MIR2052HG: variants seen among roughly 807,000 people sequenced by gnomAD.
The protein encoded by MIR2052HG is MIR2052 host gene.
At chr8:74,708,346 A>G (rs1809431688) in intron 4 of MIR2052HG, among the ~76,000 whole-genome samples, 1 of 152,278 alleles carries the variant, frequency 6.6e-6, no homozygotes, top group South Asian at 2.1e-4. Context: ...ATAGCGGGGC[A>G]TTCCAGTCCA....
At chr8:74,642,307 G>C (rs1031629976) in intron 2 of MIR2052HG, among the ~76,000 whole-genome samples, 1 of 152,036 alleles carries the variant, frequency 6.6e-6, no homozygotes, top group African/African-American at 2.4e-5. Flanking sequence ...TTTAAGTTCT[G>C]AAGAACTTTA....
intron 2 of MIR2052HG, among the ~76,000 whole-genome samples, chr8:74,699,543 AAAC>A (rs1809336978): frequency 6.6e-6 from 1 of 152,050 alleles, no homozygotes; most frequent in Non-Finnish European, 1.5e-5. Context: ...TCAGGAATAA[AAAC>A]AACATCGTAT....
At chr8:74,617,668 T>C (rs977874703) in intron 2 of MIR2052HG, among the ~76,000 whole-genome samples, 1 of 152,186 alleles carries the variant, frequency 6.6e-6, no homozygotes, top group African/African-American at 2.4e-5. Context: ...GTGATAAGCA[T>C]ACAAGTGCAG....
intron 2 of MIR2052HG, among the ~76,000 whole-genome samples, chr8:74,651,923 C>T (rs1051111299): frequency 6.6e-6 from 1 of 152,128 alleles, no homozygotes; most frequent in Non-Finnish European, 1.5e-5. Flanking sequence ...GGTAGCAAGC[C>T]TATCTAGGCT....
intron 2 of MIR2052HG, among the ~76,000 whole-genome samples, chr8:74,676,656 T>C (rs989562776): frequency 1.3e-5 from 2 of 149,916 alleles, no homozygotes; most frequent in Admixed American, 1.3e-4. Context: ...AAAAACAGAG[T>C]TTATTAGATA....
chr8:74,745,020 T>G (rs943043978), intron 4 of MIR2052HG, among the ~76,000 whole-genome samples: 1 of 152,102 alleles, frequency 6.6e-6, no homozygotes, highest in African/African-American at 2.4e-5. Flanking sequence ...ATCTCAGCAC[T>G]GTGAGAGTCT....
chr8:74,685,320 A>G (rs1586913521), intron 2 of MIR2052HG, among the ~76,000 whole-genome samples: 1 of 152,256 alleles, frequency 6.6e-6, no homozygotes, highest in East Asian at 1.9e-4. Context: ...TCCAAAAAGA[A>G]TATTATTTAT....
intron 4 of MIR2052HG, among the ~76,000 whole-genome samples, chr8:74,741,933 CA>C (rs1169066509): frequency 1.3e-5 from 2 of 152,186 alleles, no homozygotes; most frequent in African/African-American, 4.8e-5. Flanking sequence ...TGTTCAGCCT[CA>C]GCCAGGAATG....
Position 74,693,485 on chromosome 8 carries a change from TG to T in MIR2052HG, n.217-8891del, listed in dbSNP as rs1466146446. On this transcript the variant is annotated intron_variant and non_coding_transcript_variant, in intron 2 of 6. Coordinates refer to ENST00000523442, the Ensembl canonical transcript of MIR2052HG. Reference sequence around the variant, plus strand: ...TGAGCACAGAAGCCACAGCAGGTGGTGGGCAGGATTCCTGAAAGCCCTGCTT... The same window carrying T: ...TGAGCACAGAAGCCACAGCAGGTGGTGGCAGGATTCCTGAAAGCCCTGCTT... Among the ~76,000 whole-genome samples, 5 of 151,112 alleles carry T rather than the reference TG, an allele frequency of 3.3e-5. No homozygotes were observed. The East Asian group carries it at 7.8e-4, about 24-fold the overall frequency.
Position 74,698,002 on chromosome 8 carries a change from AT to A in MIR2052HG, n.217-4376del, listed in dbSNP as rs573816337. On this transcript the variant is annotated intron_variant and non_coding_transcript_variant, in intron 2 of 6. Coordinates refer to ENST00000523442, the Ensembl canonical transcript of MIR2052HG. ...ATCATTCTTCACAGAACTAGAAAAA[AT>A]AATCCTAAAATTTATATGGAACCAA... is the stretch of plus-strand genomic sequence containing the variant. Among the ~76,000 whole-genome samples, 18 of 152,272 alleles carry A rather than the reference AT, an allele frequency of 1.2e-4. No individual in the cohort carries two copies. The South Asian group carries it at 3.7e-3, about 32-fold the overall frequency.
intron 2 of MIR2052HG, among the ~76,000 whole-genome samples, chr8:74,628,258 A>G (rs574930487): frequency 2.0e-5 from 3 of 152,318 alleles, no homozygotes; most frequent in Non-Finnish European, 4.4e-5. Flanking sequence ...AACTCTTTGG[A>G]CAAAAGTCTT....
chr8:74,675,854 C>T (rs954236642), intron 2 of MIR2052HG, among the ~76,000 whole-genome samples: 3 of 151,826 alleles, frequency 2.0e-5, no homozygotes, highest in Admixed American at 6.6e-5. Flanking sequence ...ATGCGCAATC[C>T]GTCCTTATTA....
chr8:74,620,176 T>C (rs1364411429), intron 2 of MIR2052HG, among the ~76,000 whole-genome samples: 1 of 152,238 alleles, frequency 6.6e-6, no homozygotes, highest in Non-Finnish European at 1.5e-5. Context: ...AAGAGGTGGG[T>C]TCCCGTGGTC....
At chr8:74,750,967 G>A (rs12056549) in intron 4 of MIR2052HG, among the ~76,000 whole-genome samples, 109,992 of 152,138 alleles carry the variant, frequency 0.72, 41,159 homozygotes, top group African/African-American at 0.93. Flanking sequence ...TGTTCACAAC[G>A]TTATTAAATT....
chr8:74,732,385 A>G (rs1042202077), intron 4 of MIR2052HG, among the ~76,000 whole-genome samples: 1 of 152,116 alleles, frequency 6.6e-6, no homozygotes, highest in African/African-American at 2.4e-5. Flanking sequence ...AGGTACAACT[A>G]TATTTATCTA....
intron 1 of MIR2052HG, among the ~76,000 whole-genome samples, chr8:74,601,446 G>A (rs532068418): frequency 5.5e-4 from 83 of 152,222 alleles, no homozygotes; most frequent in African/African-American, 1.9e-3. Context: ...TCATCTGTAC[G>A]TGTTAAAATC....
At chr8:74,611,956 G>A (rs1808202095) in intron 1 of MIR2052HG, among the ~76,000 whole-genome samples, 1 of 152,192 alleles carries the variant, frequency 6.6e-6, no homozygotes, top group Non-Finnish European at 1.5e-5. Flanking sequence ...CAGATAGACG[G>A]CAAGGGACAA....
rs1474608819 is a variant in MIR2052HG, at chr8:74,646,401, T to A, written n.216+33461T>A. 2.0e-5 allele frequency among the ~76,000 whole-genome samples: 3 copies of A among 152,182 alleles called. No individual in the cohort carries two copies. The East Asian group carries it at 5.8e-4, about 29-fold the overall frequency. On this transcript the variant is annotated intron_variant and non_coding_transcript_variant, in intron 2 of 6. Coordinates refer to ENST00000523442, the Ensembl canonical transcript of MIR2052HG. ...TTATAATCCATACTGGTGTTTGATT[T>A]GATGTAAGCAGTGAAGGAGAAGGTA...
At chr8:74,690,852 G>A (rs965384265) in intron 2 of MIR2052HG, among the ~76,000 whole-genome samples, 2 of 151,954 alleles carry the variant, frequency 1.3e-5, no homozygotes, top group African/African-American at 2.4e-5. Flanking sequence ...GGAGGTGTAA[G>A]AGACAACCAG....
Sources: allele counts gnomAD v4.1 joint callset (sites outside exome capture counted in the v4.1 genomes callset), GRCh38; gene constraint gnomAD v4.1.1; transcripts MANE v1.5; gene names NCBI Gene and HGNC (gene_info 2026-07-23, HGNC 2026-07-21).